GRM5: variants seen among roughly 807,000 people sequenced by gnomAD.
GRM5 encodes glutamate metabotropic receptor 5, also known as metabotropic glutamate receptor 5.
Under a neutral mutation model 83.1 loss-of-function variants are expected in GRM5, and 19 were observed. The observed-to-expected ratio is 0.23, with a 90% CI of 0.16 to 0.34. The LOEUF is 0.34. Ranked by LOEUF, GRM5 falls within the 10% of genes least tolerant of loss-of-function variation. GRM5 has a pLI of 1.00. For missense variants in GRM5, 1,160 were observed against 1,588.3 expected (o/e 0.73, Z 4.58); for synonymous variants, 675 against 633.6 (o/e 1.07, Z -0.98).
chr11:88,990,665 T>A (rs1297743669), intron 2 of GRM5, among the ~76,000 whole-genome samples: 1 of 148,772 alleles, frequency 6.7e-6, no homozygotes, highest in African/African-American at 2.5e-5. Context: ...TTATCCACCA[T>A]GATCAAGTGG....
chr11:88,796,029 GA>G (rs1216077294), intron 3 of GRM5, among the ~76,000 whole-genome samples: 1 of 152,196 alleles, frequency 6.6e-6, no homozygotes, highest in Non-Finnish European at 1.5e-5. Flanking sequence ...AATTGGTTCA[GA>G]AAAGTCTTCT....
intron 3 of GRM5, among the ~76,000 whole-genome samples, chr11:88,680,218 A>G (rs1940444147): frequency 6.6e-6 from 1 of 152,102 alleles, no homozygotes; most frequent in South Asian, 2.1e-4. Context: ...ATATCTCCTA[A>G]TGCTATCCCT....
intron 2 of GRM5, among the ~76,000 whole-genome samples, chr11:88,991,078 T>A (rs1168682211): frequency 6.6e-6 from 1 of 152,196 alleles, no homozygotes; most frequent in East Asian, 1.9e-4. Flanking sequence ...TGATTGTCCC[T>A]CTTTGCAGAC....
rs1470593013 is a variant in GRM5 at position 88,903,797 on chromosome 11, A to G, written c.662-53642T>C. ...TATGAGCAATTACTTAATAGGTACAACGTACATTATTTGGGTGATGAACAC... is the reference window on the plus strand; with the variant it reads ...TATGAGCAATTACTTAATAGGTACAGCGTACATTATTTGGGTGATGAACAC... On this transcript the variant is annotated intron_variant, in intron 2 of 9. Coordinates refer to ENST00000305447, the MANE Select transcript of GRM5 (RefSeq NM_001143831.3). Among the ~76,000 whole-genome samples, 3 of 152,190 alleles carry G rather than the reference A, an allele frequency of 2.0e-5. No homozygotes were observed. In the East Asian group the frequency reaches 5.8e-4, roughly 29 times the overall value.
chr11:88,630,950 C>T (rs1040064788), intron 4 of GRM5, among the ~76,000 whole-genome samples: 1 of 152,170 alleles, frequency 6.6e-6, no homozygotes, highest in Non-Finnish European at 1.5e-5. Context: ...GAAGGCTCTC[C>T]TGTCTTCAGT....
chr11:88,901,480 G>A (rs1339286831), intron 2 of GRM5, among the ~76,000 whole-genome samples: 6 of 152,006 alleles, frequency 3.9e-5, no homozygotes, highest in Non-Finnish European at 7.4e-5. Flanking sequence ...CCCTGAAGTC[G>A]TTTCCAGCCT....
At chr11:88,934,365 T>C (rs903935710) in intron 2 of GRM5, among the ~76,000 whole-genome samples, 3 of 151,888 alleles carry the variant, frequency 2.0e-5, no homozygotes, top group African/African-American at 7.2e-5. Flanking sequence ...TTGCACATCT[T>C]TAGTGCCCAA....
At chr11:88,875,452 A>C (rs913055119) in intron 2 of GRM5, among the ~76,000 whole-genome samples, 9 of 151,920 alleles carry the variant, frequency 5.9e-5, no homozygotes, top group African/African-American at 2.2e-4. Context: ...AACCCCTCAA[A>C]ATCATCCATG....
At chr11:88,734,503 T>A (rs1302038441) in intron 3 of GRM5, among the ~76,000 whole-genome samples, 1 of 152,024 alleles carries the variant, frequency 6.6e-6, no homozygotes, top group Non-Finnish European at 1.5e-5. Flanking sequence ...CCTCCCATGT[T>A]TTTTGCAACA....
chr11:88,740,017 A>C (rs889631269), intron 3 of GRM5, among the ~76,000 whole-genome samples: 1 of 152,104 alleles, frequency 6.6e-6, no homozygotes, highest in Non-Finnish European at 1.5e-5. Flanking sequence ...GAAGCTCATG[A>C]CACTGATTTG....
At chr11:89,009,930 A>AAAAAAAAAAC (rs1316250515) in intron 2 of GRM5, among the ~76,000 whole-genome samples, 1 of 100,122 alleles carries the variant, frequency 1.0e-5, no homozygotes, top group African/African-American at 3.1e-5. Context: ...AAAAAAAAAA[A>AAAAAAAAAAC]CACACACAAA....
At chr11:88,663,219 A>G (rs1033213340) in intron 3 of GRM5, among the ~76,000 whole-genome samples, 2 of 152,172 alleles carry the variant, frequency 1.3e-5, no homozygotes, top group African/African-American at 4.8e-5. Flanking sequence ...ACAGGAAATA[A>G]CAGATAGTAA....
chr11:88,836,896 C>G (rs761568987), intron 3 of GRM5, among the ~76,000 whole-genome samples: 10 of 152,156 alleles, frequency 6.6e-5, no homozygotes, highest in Admixed American at 2.0e-4. Flanking sequence ...TGGAATTCAG[C>G]ACAGAATAAT....
At chr11:88,786,616 T>G (rs946711400) in intron 3 of GRM5, among the ~76,000 whole-genome samples, 1 of 152,120 alleles carries the variant, frequency 6.6e-6, no homozygotes. Flanking sequence ...TTTCCATAGG[T>G]ACCAACATGG....
At chr11:88,661,569 A>G (rs956672661) in intron 3 of GRM5, among the ~76,000 whole-genome samples, 8 of 152,042 alleles carry the variant, frequency 5.3e-5, no homozygotes, top group Admixed American at 3.3e-4. Flanking sequence ...ATTTTAACAG[A>G]TATTTTGGGA....
At chr11:88,534,799 C>T (rs1037028104) in intron 8 of GRM5, among the ~76,000 whole-genome samples, 3 of 152,182 alleles carry the variant, frequency 2.0e-5, no homozygotes, top group African/African-American at 7.2e-5. Flanking sequence ...CTTGTACTCC[C>T]ATGATTCCCA....
In GRM5 at chr11:88,545,485, T is replaced by C. The variant is rs113060693; in HGVS notation, c.2631-20081A>G. Among the ~76,000 whole-genome samples, 466 of 143,032 alleles carry C rather than the reference T, an allele frequency of 3.3e-3. 4 individuals carry two copies. The highest frequency in any genetic ancestry group is 8.0e-3 in the African/African-American group (314 of 39,054). 93.8% of individuals were successfully genotyped at this position (143,032 alleles called of 152,430 possible). On this transcript the variant is annotated intron_variant, in intron 8 of 9. Coordinates refer to ENST00000305447, the MANE Select transcript of GRM5 (RefSeq NM_001143831.3). ...CCTCCCCCACCCTTTGATTCTCTAG[T>C]CTGAACCTTTCTTTGAGCTCATAGG...
chr11:88,606,149 C>A (rs576647401), intron 4 of GRM5, among the ~76,000 whole-genome samples: 1 of 152,216 alleles, frequency 6.6e-6, no homozygotes, highest in South Asian at 2.1e-4. Context: ...AATCAATGAC[C>A]AGCACAGAGA....
intron 3 of GRM5, among the ~76,000 whole-genome samples, chr11:88,799,133 G>A (rs2135484145): frequency 6.6e-6 from 1 of 151,984 alleles, no homozygotes; most frequent in African/African-American, 2.4e-5. Flanking sequence ...AAAGTATTTG[G>A]CACTTTTAGA....
Sources: allele counts gnomAD v4.1 joint callset (sites outside exome capture counted in the v4.1 genomes callset), GRCh38; gene constraint gnomAD v4.1.1; transcripts MANE v1.5; gene names NCBI Gene and HGNC (gene_info 2026-07-23, HGNC 2026-07-21).